The following INVS variants were observed in gnomAD, a reference collection of about 807,000 sequenced individuals.
INVS encodes the protein inversin, also known as inversion of embryo turning homolog.
In INVS, 86 loss-of-function variants were observed where a neutral mutation model predicts 108.8. The observed-to-expected ratio is 0.79, with a 90% confidence interval of 0.66 to 0.95. INVS has a LOEUF of 0.95. Ranked by LOEUF, INVS falls within the 40% of genes least tolerant of loss-of-function variation. INVS has a pLI of 0.00. For synonymous variants in INVS, 455 were observed against 473.5 expected (o/e 0.96, Z 0.51); for missense variants, 1,169 against 1,297.4 (o/e 0.90, Z 1.52).
Position 100,174,100 on chromosome 9 carries a change from A to C in INVS, c.273+47551A>C, listed in dbSNP as rs59698501. ...GAGGACAAACAGTAAACTGTGTTCC[A>C]TACTCATGAGAAAAAGTAACAATGG... On this transcript the variant is annotated intron_variant, in intron 3 of 16. Coordinates refer to ENST00000262457, the MANE Select transcript of INVS (RefSeq NM_014425.5). Among the ~76,000 whole-genome samples, 973 of 152,358 alleles carry C rather than the reference A, an allele frequency of 6.4e-3. 67 individuals carry two copies. The East Asian group carries it at 0.15, about 23-fold the overall frequency.
At chr9:100,157,191 T>A (rs977582973) in intron 3 of INVS, among the ~76,000 whole-genome samples, 6 of 151,400 alleles carry the variant, frequency 4.0e-5, no homozygotes, top group East Asian at 3.8e-4. Flanking sequence ...AAATAATTTT[T>A]AAAATAACCA....
chr9:100,163,310 C>T (rs1829253929), intron 3 of INVS, among the ~76,000 whole-genome samples: 1 of 151,802 alleles, frequency 6.6e-6, no homozygotes, highest in Admixed American at 6.6e-5. Context: ...TGTTGTTACC[C>T]CACAAACTTA....
At chr9:100,286,327 G>T (rs1216204016) in intron 13 of INVS, among the ~76,000 whole-genome samples, 1 of 152,186 alleles carries the variant, frequency 6.6e-6, no homozygotes, top group African/African-American at 2.4e-5. Context: ...GCTGGGGCAG[G>T]TGGATTACTT....
At chr9:100,238,084 G>A (rs931159242) in intron 5 of INVS, among the ~76,000 whole-genome samples, 28 of 151,874 alleles carry the variant, frequency 1.8e-4, no homozygotes, top group African/African-American at 6.3e-4. Flanking sequence ...TCACCATGTT[G>A]GCCAGACTGG....
At chr9:100,123,016 T>C (rs141978622) in intron 2 of INVS, among the ~76,000 whole-genome samples, 222 of 152,314 alleles carry the variant, frequency 1.5e-3, no homozygotes, top group African/African-American at 5.1e-3. Context: ...CTTCTATTTT[T>C]CATTCCTGTC....
chr9:100,134,458 C>T (rs184824146), intron 3 of INVS, among the ~76,000 whole-genome samples: 139 of 152,204 alleles, frequency 9.1e-4, no homozygotes, highest in African/African-American at 3.1e-3. Flanking sequence ...GGGTAGATAC[C>T]GAGTAATGGG....
intron 3 of INVS, among the ~76,000 whole-genome samples, chr9:100,172,012 T>G (rs972118489): frequency 6.6e-6 from 1 of 152,088 alleles, no homozygotes; most frequent in Non-Finnish European, 1.5e-5. Flanking sequence ...TTAATATATT[T>G]GAAAGGACTC....
At chr9:100,177,815 C>T (rs1030762569) in intron 3 of INVS, among the ~76,000 whole-genome samples, 48 of 152,288 alleles carry the variant, frequency 3.2e-4, no homozygotes, top group African/African-American at 9.9e-4. Context: ...TCCCTGATTC[C>T]GGTGCCTCCT....
At chr9:100,284,639 A>G (rs765527572) in intron 13 of INVS, 36 bp downstream of exon 13, 1 of 1,603,362 alleles carries the variant, frequency 6.2e-7, no homozygotes, top group Non-Finnish European at 8.5e-7. Flanking sequence ...CTGCCGGCCC[A>G]TGGACTGTGG....
chr9:100,243,675 A>C (rs189736618), intron 7 of INVS, among the ~76,000 whole-genome samples: 50 of 152,252 alleles, frequency 3.3e-4, no homozygotes, highest in African/African-American at 1.1e-3. Context: ...TGCCTTCTAC[A>C]TGGGTATGCA....
intron 3 of INVS, among the ~76,000 whole-genome samples, chr9:100,193,374 A>T (rs1248592578): frequency 6.6e-6 from 1 of 152,172 alleles, no homozygotes; most frequent in Non-Finnish European, 1.5e-5. Context: ...TTGCCATTTT[A>T]ACCATTTTTG....
At chr9:100,192,489 G>A (rs1006044380) in intron 3 of INVS, among the ~76,000 whole-genome samples, 20 of 152,114 alleles carry the variant, frequency 1.3e-4, no homozygotes, top group African/African-American at 3.1e-4. Context: ...GCTATTATGA[G>A]AGAATCTTAT....
At chr9:100,123,172 G>A (rs1468093433) in intron 2 of INVS, among the ~76,000 whole-genome samples, 1 of 152,046 alleles carries the variant, frequency 6.6e-6, no homozygotes, top group East Asian at 1.9e-4. Flanking sequence ...TGTATTCAGT[G>A]TTGGACAAAC....
chr9:100,124,653 G>A (rs1827830143), intron 2 of INVS, among the ~76,000 whole-genome samples: 1 of 151,630 alleles, frequency 6.6e-6, no homozygotes, highest in South Asian at 2.1e-4. Flanking sequence ...TGTTTCATGA[G>A]TGTTCATAGT....
chr9:100,103,456 G>A (rs564027761), intron 1 of INVS, among the ~76,000 whole-genome samples: 14 of 151,938 alleles, frequency 9.2e-5, no homozygotes, highest in East Asian at 7.8e-4. Flanking sequence ...GTGAAACCCC[G>A]TCGCTACTAA....
chr9:100,157,266 T>C (rs940836716), intron 3 of INVS, among the ~76,000 whole-genome samples: 2 of 144,690 alleles, frequency 1.4e-5, no homozygotes, highest in Non-Finnish European at 3.0e-5. Flanking sequence ...TTCTTTTTTT[T>C]CTTTTTTTTT....
chr9:100,232,961 A>C (rs1350329880), intron 5 of INVS, among the ~76,000 whole-genome samples: 1 of 152,128 alleles, frequency 6.6e-6, no homozygotes, highest in Non-Finnish European at 1.5e-5. Context: ...GGCCATTTTC[A>C]TGATATTGAT....
At chr9:100,259,982 C>A (rs1421887761) in intron 10 of INVS, among the ~76,000 whole-genome samples, 2 of 151,482 alleles carry the variant, frequency 1.3e-5, no homozygotes, top group Non-Finnish European at 2.9e-5. Flanking sequence ...AGTGATTCTT[C>A]TGCCTCAGCC....
intron 3 of INVS, among the ~76,000 whole-genome samples, chr9:100,158,263 C>T (rs991180138): frequency 6.6e-6 from 1 of 152,064 alleles, no homozygotes; most frequent in African/African-American, 2.4e-5. Context: ...TATTACATTC[C>T]ATTCTTAAAA....
Sources: gnomAD v4.1 joint callset for allele counts (sites outside exome capture counted in the v4.1 genomes callset) on GRCh38, gnomAD v4.1.1 for gene constraint, MANE v1.5 for transcripts, NCBI Gene and HGNC (gene_info 2026-07-23, HGNC 2026-07-21) for gene names.